Variants in PTPRD observed in about 807,000 individuals in gnomAD.
PTPRD encodes receptor-type tyrosine-protein phosphatase delta.
In PTPRD, 34 loss-of-function variants were observed where a neutral mutation model predicts 214.5. The observed-to-expected ratio is 0.16, with a 90% CI of 0.12 to 0.21. PTPRD has a LOEUF of 0.21. PTPRD is among the 10% of genes least tolerant of loss of function. The probability of loss-of-function intolerance (pLI) is 1.00; values close to 1 mark genes in which losing one functional copy is unlikely to be tolerated. For missense variants in PTPRD, 2,545 were observed against 2,398.7 expected, an observed-to-expected ratio of 1.06 and a Z score of -1.27; for synonymous variants, 1,128 against 845.7, an observed-to-expected ratio of 1.33 and a Z score of -5.79.
intron 9 of PTPRD, among the ~76,000 whole-genome samples, chr9:9,359,125 T>C (rs1413854754): frequency 1.3e-5 from 2 of 151,350 alleles, no homozygotes; most frequent in Admixed American, 6.6e-5. Flanking sequence ...ATGTTGACCT[T>C]AGGGTGGCAA....
At chr9:8,821,991 T>G (rs1352218203) in intron 11 of PTPRD, among the ~76,000 whole-genome samples, 1 of 152,128 alleles carries the variant, frequency 6.6e-6, no homozygotes, top group African/African-American at 2.4e-5. Flanking sequence ...AAGGCAAAAG[T>G]CTTTAAATAT....
chr9:8,894,830 C>CA (rs994204564), intron 11 of PTPRD, among the ~76,000 whole-genome samples: 8 of 151,850 alleles, frequency 5.3e-5, no homozygotes, highest in South Asian at 2.1e-4. Context: ...TATTTCATCA[C>CA]AAAAAAGGAA....
chr9:9,295,860 T>C (rs1952823264), intron 9 of PTPRD, among the ~76,000 whole-genome samples: 1 of 151,872 alleles, frequency 6.6e-6, no homozygotes, highest in Non-Finnish European at 1.5e-5. Context: ...CCTCTCTCTA[T>C]GCCCAGATTA....
intron 10 of PTPRD, among the ~76,000 whole-genome samples, chr9:9,177,479 T>C (rs1342691856): frequency 6.6e-6 from 1 of 152,142 alleles, no homozygotes; most frequent in Non-Finnish European, 1.5e-5. Context: ...ATTTATACTT[T>C]ATACTCATTA....
chr9:10,135,961 G>C (rs1575259), intron 3 of PTPRD, among the ~76,000 whole-genome samples: 1 of 149,162 alleles, frequency 6.7e-6, no homozygotes, highest in African/African-American at 2.5e-5. Flanking sequence ...AAAAAATAAG[G>C]CCCAACCAGC....
intron 7 of PTPRD, among the ~76,000 whole-genome samples, chr9:9,638,616 T>C (rs2095845529): frequency 6.6e-6 from 1 of 152,180 alleles, no homozygotes; most frequent in African/African-American, 2.4e-5. Context: ...CTTCTTCCAG[T>C]ATTCATATCA....
chr9:8,462,875 A>G (rs1179306245), intron 32 of PTPRD, among the ~76,000 whole-genome samples: 1 of 151,912 alleles, frequency 6.6e-6, no homozygotes, highest in Non-Finnish European at 1.5e-5. Context: ...TGGCGAAACT[A>G]CAGACTCCTA....
chr9:8,565,408 A>G (rs2154217604), intron 14 of PTPRD, among the ~76,000 whole-genome samples: 1 of 152,324 alleles, frequency 6.6e-6, no homozygotes, highest in African/African-American at 2.4e-5. Flanking sequence ...AGAAAGGATA[A>G]CATTCATTTG....
chr9:10,466,511 T>G (rs936496147), intron 2 of PTPRD, among the ~76,000 whole-genome samples: 4 of 149,580 alleles, frequency 2.7e-5, no homozygotes, highest in Admixed American at 1.4e-4. Flanking sequence ...TAATCCCAGC[T>G]ACTCGGGAGG....
chr9:10,487,691 A>G (rs552801065), intron 2 of PTPRD, among the ~76,000 whole-genome samples: 2 of 149,670 alleles, frequency 1.3e-5, no homozygotes, highest in African/African-American at 4.9e-5. Flanking sequence ...GACACATAAC[A>G]GGGCCTGTTG....
At chr9:8,591,547 T>C (rs2094108614) in intron 14 of PTPRD, among the ~76,000 whole-genome samples, 1 of 152,146 alleles carries the variant, frequency 6.6e-6, no homozygotes, top group African/African-American at 2.4e-5. Context: ...ACAGAATAAT[T>C]TATGAAAAAT....
chr9:10,162,047 G>A (rs926235116), intron 3 of PTPRD, among the ~76,000 whole-genome samples: 4 of 151,580 alleles, frequency 2.6e-5, no homozygotes, highest in Non-Finnish European at 5.9e-5. Context: ...GAATATTGAT[G>A]CTAGTGAGGA....
intron 3 of PTPRD, among the ~76,000 whole-genome samples, chr9:10,242,320 G>C (rs762854903): frequency 1.3e-5 from 2 of 151,914 alleles, no homozygotes; most frequent in African/African-American, 4.8e-5. Flanking sequence ...TTTCATCTGA[G>C]CAAATAACTT....
intron 8 of PTPRD, among the ~76,000 whole-genome samples, chr9:9,474,822 GA>G (rs2094904556): frequency 6.6e-6 from 1 of 151,894 alleles, no homozygotes. Flanking sequence ...TCAATTCTAG[GA>G]CTTTTTGTTG....
At chr9:8,595,227 GAA>G (rs530774168) in intron 14 of PTPRD, among the ~76,000 whole-genome samples, 75 of 150,358 alleles carry the variant, frequency 5.0e-4, no homozygotes, top group South Asian at 8.4e-4. Context: ...CAAAATGTGT[GAA>G]AAGATTGCAG....
chr9:8,486,366 G>A lies in PTPRD; in HGVS notation c.2468-17C>T. On this transcript the variant is annotated splice_polypyrimidine_tract_variant and intron_variant, in intron 27 of 45. Transcript: ENST00000381196. ...TCCCTGGAACTGGAGCACATGGGAT[G>A]GAGTGGTAAGACCAACCAATCTGAA... 1 of 1,604,330 alleles carries A rather than the reference G, an allele frequency of 6.2e-7. No homozygotes were observed. The highest frequency in any genetic ancestry group is 8.5e-7 in the Non-Finnish European group (1 of 1,171,226).
chr9:9,121,684 G>C (rs139838646), intron 10 of PTPRD, among the ~76,000 whole-genome samples: 176 of 152,192 alleles, frequency 1.2e-3, no homozygotes, highest in African/African-American at 3.6e-3. Flanking sequence ...AGTGTGGGAG[G>C]GGGGCGAGGG....
intron 3 of PTPRD, among the ~76,000 whole-genome samples, chr9:10,107,451 G>A (rs762923345): frequency 6.6e-6 from 1 of 151,950 alleles, no homozygotes; most frequent in South Asian, 2.1e-4. Flanking sequence ...TGGAATTGCC[G>A]TTAGAATGAC....
intron 10 of PTPRD, among the ~76,000 whole-genome samples, chr9:9,058,940 G>C (rs1041505709): frequency 6.6e-6 from 1 of 152,106 alleles, no homozygotes; most frequent in Non-Finnish European, 1.5e-5. Context: ...ATTTAGGTGA[G>C]TGCCCAAAAC....
Sources: allele counts gnomAD v4.1 joint callset (sites outside exome capture counted in the v4.1 genomes callset), GRCh38; gene constraint gnomAD v4.1.1; transcripts MANE v1.5; gene names NCBI Gene and HGNC (gene_info 2026-07-23, HGNC 2026-07-21).